Variants in BMP6 observed in about 807,000 individuals in gnomAD.
BMP6 encodes bone morphogenetic protein 6, also known as VG-1-R.
BMP6 carries 17 observed loss-of-function variants against 54.1 expected under a neutral mutation model. The observed-to-expected ratio is 0.31, with a 90% CI of 0.22 to 0.47. BMP6 has a LOEUF of 0.47. Ranked by LOEUF, BMP6 falls within the 20% of genes least tolerant of loss-of-function variation. The pLI is 1.00. For missense variants in BMP6, 720 were observed against 690.4 expected, an observed-to-expected ratio of 1.04 and a Z score of -0.48; for synonymous variants, 328 against 291.2, an observed-to-expected ratio of 1.13 and a Z score of -1.28.
intron 1 of BMP6, among the ~76,000 whole-genome samples, 189 bp from the exon 2 acceptor site, chr6:7,844,951 G>A (rs1332344306): frequency 6.6e-6 from 1 of 152,100 alleles, no homozygotes; most frequent in Non-Finnish European, 1.5e-5. Flanking sequence ...GCTTCATCTT[G>A]GGTAACATGA....
chr6:7,776,635 A>T (rs1757863791), intron 1 of BMP6, among the ~76,000 whole-genome samples: 1 of 152,090 alleles, frequency 6.6e-6, no homozygotes, highest in South Asian at 2.1e-4. Context: ...AAATTAAGAG[A>T]GTATTAGGTA....
intron 1 of BMP6, among the ~76,000 whole-genome samples, chr6:7,728,509 C>T (rs927154110): frequency 3.1e-4 from 47 of 152,266 alleles, no homozygotes; most frequent in African/African-American, 9.9e-4. Context: ...CGCCCTTTCT[C>T]CCCCCTCCCA....
rs556561901 is a variant in BMP6 at position 7,815,771 on chromosome 6, C to A, written c.665-29369C>A. Among the ~76,000 whole-genome samples, 4 of 152,308 alleles carry A rather than the reference C, an allele frequency of 2.6e-5. No homozygotes were observed. In the South Asian group the frequency reaches 6.2e-4, roughly 24 times the overall value. On this transcript the variant is annotated intron_variant, in intron 1 of 6. Transcript: ENST00000283147. ...AGGGAAGAAAATGGCTTAATTCATT[C>A]CCGTTATAATTAACAGTGGGCGTTT...
At chr6:7,797,165 A>G (rs768330853) in intron 1 of BMP6, among the ~76,000 whole-genome samples, 9 of 152,224 alleles carry the variant, frequency 5.9e-5, no homozygotes, top group Non-Finnish European at 1.2e-4. Context: ...ACTACAACAA[A>G]TATACGTCAT....
intron 1 of BMP6, among the ~76,000 whole-genome samples, chr6:7,795,927 A>G (rs1489204269): frequency 6.6e-6 from 1 of 152,132 alleles, no homozygotes; most frequent in Non-Finnish European, 1.5e-5. Context: ...GGAAAACATG[A>G]TGAGTTCAGT....
intron 1 of BMP6, among the ~76,000 whole-genome samples, chr6:7,816,695 T>G (rs754076179): frequency 8.5e-5 from 13 of 152,200 alleles, no homozygotes; most frequent in Non-Finnish European, 1.0e-4. Context: ...CTAGTTTTAC[T>G]TGATTAAAGT....
intron 4 of BMP6, among the ~76,000 whole-genome samples, chr6:7,868,633 A>C (rs1237087): frequency 0.3 from 45,211 of 152,180 alleles, 7,200 homozygotes; most frequent in East Asian, 0.59. Flanking sequence ...ATTCCCTCTA[A>C]AAAACAAGTT....
At chr6:7,728,893 T>A (rs1561751809) in intron 1 of BMP6, among the ~76,000 whole-genome samples, 1 of 152,200 alleles carries the variant, frequency 6.6e-6, no homozygotes, top group Non-Finnish European at 1.5e-5. Flanking sequence ...TCTGGGTGAT[T>A]TCTTTACCAG....
intron 1 of BMP6, among the ~76,000 whole-genome samples, chr6:7,824,720 G>C (rs763358869): frequency 6.6e-6 from 1 of 152,184 alleles, no homozygotes; most frequent in Non-Finnish European, 1.5e-5. Flanking sequence ...TATCCAGTTA[G>C]TATTTGTTGC....
chr6:7,760,665 A>ACCCC (rs1757599193), intron 1 of BMP6, among the ~76,000 whole-genome samples: 2 of 152,070 alleles, frequency 1.3e-5, no homozygotes, highest in Non-Finnish European at 2.9e-5. Context: ...ATGGGGTTTC[A>ACCCC]CCATGTTAGC....
chr6:7,748,917 A>T (rs1195709191), intron 1 of BMP6, among the ~76,000 whole-genome samples: 1 of 152,234 alleles, frequency 6.6e-6, no homozygotes, highest in Non-Finnish European at 1.5e-5. Context: ...TCAGTAGAGG[A>T]TGAATCTGTC....
Position 7,861,612 on chromosome 6 carries a change from C to T in BMP6, c.1006+13C>T, listed in dbSNP as rs768384776. 6 of 1,613,414 alleles carry T rather than the reference C, an allele frequency of 3.7e-6. No individual in the cohort carries two copies. Among genetic ancestry groups the T allele is most frequent in the Non-Finnish European group, 4.2e-6 (5 of 1,179,596 alleles). Reference sequence around the variant, plus strand: ...GTGACAAGGGATGGTAAGTTATTATCCGCAAGCCTCCAACGTCCAGCAAGT... The same window carrying T: ...GTGACAAGGGATGGTAAGTTATTATTCGCAAGCCTCCAACGTCCAGCAAGT... On this transcript the variant is annotated intron_variant, in intron 3 of 6. Transcript: ENST00000283147.
intron 1 of BMP6, among the ~76,000 whole-genome samples, chr6:7,767,063 T>C (rs1757704148): frequency 6.6e-6 from 1 of 151,572 alleles, no homozygotes; most frequent in African/African-American, 2.4e-5. Flanking sequence ...CTCGGTGCAC[T>C]GCAAGCTCCA....
At position 7,862,537 on chromosome 6, in the gene BMP6, T is replaced by C. The variant is rs778429955; in HGVS notation, c.1204+39T>C. The C allele has an allele frequency of 1.9e-6, 3 of 1,610,066 alleles. No individual in the cohort carries two copies. In the East Asian group the frequency reaches 6.7e-5, roughly 36 times the overall value. On this transcript the variant is annotated intron_variant, in intron 4 of 6. Coordinates refer to ENST00000283147, the MANE Select transcript of BMP6 (RefSeq NM_001718.6). ...GAGCCTGTGTTTCCAGAAAGCCTTG[T>C]TGGCCTCAGTGAGAACAAAAGTTGT...
chr6:7,796,325 C>A lies in BMP6; in HGVS notation c.665-48815C>A, dbSNP rs1180930203. On this transcript the variant is annotated intron_variant, in intron 1 of 6. Transcript: ENST00000283147. ...GTGGCCCAAGGGAGGAATGTTTTGG[C>A]AGATTTTATGAGGATGAAGCCAAAC... Among the ~76,000 whole-genome samples, 3 of 152,232 alleles carry A rather than the reference C, an allele frequency of 2.0e-5. No individual in the cohort carries two copies. In the East Asian group the frequency reaches 5.8e-4, roughly 29 times the overall value.
chr6:7,844,184 C>T (rs1277952090), intron 1 of BMP6, among the ~76,000 whole-genome samples: 1 of 152,178 alleles, frequency 6.6e-6, no homozygotes, highest in Non-Finnish European at 1.5e-5. Context: ...ACATAACATC[C>T]TCCAGGTTCA....
intron 4 of BMP6, among the ~76,000 whole-genome samples, chr6:7,877,694 A>G (rs940905864): frequency 1.3e-5 from 2 of 152,240 alleles, no homozygotes; most frequent in Admixed American, 1.3e-4. Flanking sequence ...ACTGGGAGTT[A>G]GAAGTTAGAA....
At position 7,862,474 on chromosome 6, in the gene BMP6, G is replaced by T. The variant is rs142167481; in HGVS notation, c.1180G>T (p.Val394Leu). The T allele has an allele frequency of 6.2e-7, 1 of 1,614,008 alleles. No individual in the cohort carries two copies. The highest frequency in any genetic ancestry group is 1.3e-5 in the African/African-American group (1 of 74,934). Residue 394 changes from valine (V) to leucine (L), a missense_variant, in exon 4 of 7, where the codon GTG becomes TTG. Physicochemically the swap from Val to Leu is conservative, Grantham distance 32. Coordinates refer to ENST00000283147, the MANE Select transcript of BMP6 (RefSeq NM_001718.6). ...TAATCGCTCTACCCAGTCCCAGGAC[G>T]TGGCGCGGGTCTCCAGTGCTTCAGG... ...SRNRSTQSQD[V>L]ARVSSASDYN...
intron 1 of BMP6, among the ~76,000 whole-genome samples, chr6:7,790,514 CAAAAAAAA>C (rs35572440): frequency 0.019 from 1,365 of 73,312 alleles, 4 homozygotes; most frequent in African/African-American, 0.054. Context: ...GACCCTGTCT[CAAAAAAAA>C]AAAAAAAAAA....
Sources: allele counts gnomAD v4.1 joint callset (sites outside exome capture counted in the v4.1 genomes callset), GRCh38; gene constraint gnomAD v4.1.1; transcripts MANE v1.5; gene names NCBI Gene and HGNC (gene_info 2026-07-23, HGNC 2026-07-21).